Variants in PARD3 observed in about 807,000 individuals in gnomAD.
The protein encoded by PARD3 is par-3 family cell polarity regulator.
A neutral mutation model predicts 155.4 loss-of-function variants in PARD3; 75 were observed. The observed-to-expected ratio is 0.48, with a 90% CI of 0.40 to 0.58. PARD3 has a LOEUF of 0.58. Ranked by LOEUF, PARD3 falls within the 20% of genes least tolerant of loss-of-function variation. PARD3 has a pLI of 0.00. For synonymous variants in PARD3, 576 were observed against 610.5 expected (o/e 0.94, Z 0.83); for missense variants, 1,642 against 1,721.7 (o/e 0.95, Z 0.82).
At chr10:34,327,711 A>T (rs1181081005) in intron 19 of PARD3, among the ~76,000 whole-genome samples, 3 of 152,188 alleles carry the variant, frequency 2.0e-5, no homozygotes, top group African/African-American at 7.2e-5. Flanking sequence ...CTGCATCCTC[A>T]GGAAATGTCC....
intron 20 of PARD3, among the ~76,000 whole-genome samples, chr10:34,309,602 A>G (rs1160435861): frequency 6.9e-5 from 10 of 145,616 alleles, no homozygotes; most frequent in Non-Finnish European, 1.5e-4. Context: ...GATGGATCAG[A>G]TGGATTTAGA....
intron 22 of PARD3, among the ~76,000 whole-genome samples, chr10:34,213,856 AT>A (rs1951873100): frequency 6.6e-6 from 1 of 151,882 alleles, no homozygotes; most frequent in Non-Finnish European, 1.5e-5. Flanking sequence ...ACTTATTTTG[AT>A]TTTTTGCAGG....
chr10:34,520,560 G>A (rs76784976), intron 2 of PARD3, among the ~76,000 whole-genome samples: 2,014 of 152,108 alleles, frequency 0.013, 41 homozygotes, highest in African/African-American at 0.046. Context: ...ACTAGATTAG[G>A]GGTCAATGGG....
intron 1 of PARD3, among the ~76,000 whole-genome samples, chr10:34,811,626 G>A (rs1418103756): frequency 1.3e-5 from 2 of 152,148 alleles, no homozygotes; most frequent in African/African-American, 4.8e-5. Context: ...GCCAATTAAT[G>A]CTACCACCTC....
chr10:34,707,416 T>A (rs2094382066), intron 1 of PARD3, among the ~76,000 whole-genome samples: 1 of 151,924 alleles, frequency 6.6e-6, no homozygotes, highest in African/African-American at 2.4e-5. Flanking sequence ...GAAATTCCAA[T>A]CCCAAGCGGG....
intron 1 of PARD3, among the ~76,000 whole-genome samples, chr10:34,777,564 G>T (rs997835262): frequency 1.3e-5 from 2 of 152,254 alleles, no homozygotes; most frequent in South Asian, 2.1e-4. Flanking sequence ...TAGAGACAGG[G>T]TCTCACTCTG....
At chr10:34,125,241 AT>A in intron 23 of PARD3, among the ~76,000 whole-genome samples, 1 of 151,908 alleles carries the variant, frequency 6.6e-6, no homozygotes, top group South Asian at 2.1e-4. Flanking sequence ...TAATTTTTGT[AT>A]TTTTAGTAGA....
At chr10:34,118,373 G>C (rs1010065666) in intron 24 of PARD3, among the ~76,000 whole-genome samples, 2 of 152,156 alleles carry the variant, frequency 1.3e-5, no homozygotes, top group Non-Finnish European at 2.9e-5. Flanking sequence ...TCGAAACAGG[G>C]TCTTGCTCTG....
chr10:34,208,981 T>C (rs749348195), intron 22 of PARD3, among the ~76,000 whole-genome samples: 13 of 152,250 alleles, frequency 8.5e-5, no homozygotes, highest in Non-Finnish European at 1.9e-4. Context: ...AGAAATATAC[T>C]TGTCTAATAG....
chr10:34,198,606 G>A (rs781636302), intron 22 of PARD3, among the ~76,000 whole-genome samples: 7 of 151,970 alleles, frequency 4.6e-5, no homozygotes, highest in African/African-American at 7.3e-5. Flanking sequence ...TATTTATAAT[G>A]AATGCTGCCA....
chr10:34,152,721 A>T (rs1564436469), intron 22 of PARD3, among the ~76,000 whole-genome samples: 1 of 152,246 alleles, frequency 6.6e-6, no homozygotes, highest in Non-Finnish European at 1.5e-5. Context: ...GAACTGGCAT[A>T]GAACAGTATC....
At chr10:34,390,579 C>T (rs1438872257) in intron 7 of PARD3, among the ~76,000 whole-genome samples, 1 of 152,008 alleles carries the variant, frequency 6.6e-6, no homozygotes, top group Non-Finnish European at 1.5e-5. Flanking sequence ...GCTAACTTGC[C>T]CAAGGCCACA....
intron 22 of PARD3, among the ~76,000 whole-genome samples, chr10:34,204,370 C>T (rs1469578169): frequency 6.6e-6 from 1 of 152,182 alleles, no homozygotes; most frequent in Non-Finnish European, 1.5e-5. Flanking sequence ...CCAGTGGTGG[C>T]AGGCTGGAAA....
chr10:34,480,548 T>C lies in PARD3; in HGVS notation c.404-10285A>G, dbSNP rs570852677. On this transcript the variant is annotated intron_variant, in intron 3 of 24. Coordinates refer to ENST00000374788, the MANE Select transcript of PARD3 (RefSeq NM_001184785.2). ...ACCACCTCGCCCAACCTGTTTCTAC[T>C]TTTAACAGCATCGGCCAGTTATTCA... is the stretch of plus-strand genomic sequence containing the variant. 2.3e-4 allele frequency among the ~76,000 whole-genome samples: 35 copies of C among 152,262 alleles called. No individual in the cohort carries two copies. The East Asian group carries it at 6.8e-3, about 29-fold the overall frequency.
At chr10:34,399,213 A>C in intron 7 of PARD3, 117 bp downstream of exon 7, 1 of 722,942 alleles carries the variant, frequency 1.4e-6, no homozygotes. Context: ...AGTTGCCTCC[A>C]AATGAGAATG....
chr10:34,236,802 C>T (rs145939458), intron 22 of PARD3, among the ~76,000 whole-genome samples: 1 of 152,248 alleles, frequency 6.6e-6, no homozygotes, highest in Non-Finnish European at 1.5e-5. Context: ...AGTCTATTCT[C>T]CAATAAGTCT....
chr10:34,504,422 C>A (rs1409460683), intron 3 of PARD3, among the ~76,000 whole-genome samples: 2 of 129,592 alleles, frequency 1.5e-5, no homozygotes, highest in Non-Finnish European at 3.1e-5. Context: ...GTGCTTGTCC[C>A]CAAGATTAAA....
intron 1 of PARD3, among the ~76,000 whole-genome samples, chr10:34,733,520 G>C (rs1175458780): frequency 1.3e-5 from 2 of 151,888 alleles, no homozygotes; most frequent in African/African-American, 4.8e-5. Flanking sequence ...GTCTCACTCT[G>C]TCACCCAGGC....
At chr10:34,513,544 G>A (rs983003545) in intron 3 of PARD3, among the ~76,000 whole-genome samples, 32 of 152,214 alleles carry the variant, frequency 2.1e-4, no homozygotes, top group African/African-American at 7.2e-4. Flanking sequence ...GCCTTCCAAA[G>A]TGCTGGGATT....
Sources: gnomAD v4.1 joint callset for allele counts (sites outside exome capture counted in the v4.1 genomes callset) on GRCh38, gnomAD v4.1.1 for gene constraint, MANE v1.5 for transcripts, NCBI Gene and HGNC (gene_info 2026-07-23, HGNC 2026-07-21) for gene names.